The following COPB1 variants were observed in gnomAD, a reference collection of about 807,000 sequenced individuals.
COPB1 encodes the protein coat protein complex I subunit beta 1.
In COPB1, 21 loss-of-function variants were observed where a neutral mutation model predicts 108.7. The ratio of observed to expected loss-of-function variants is 0.19; its 90% CI spans 0.14 to 0.28. The LOEUF is 0.28. COPB1 is among the 10% of genes least tolerant of loss of function. The pLI, the probability that COPB1 is intolerant of heterozygous loss-of-function variation, is 1.00. For synonymous variants in COPB1, 378 were observed against 386.8 expected (o/e 0.98, Z 0.27); for missense variants, 919 against 1,141.3 (o/e 0.81, Z 2.81).
chr11:14,489,389 A>G lies in COPB1; in HGVS notation c.607-805T>C, dbSNP rs569700600. Among the ~76,000 whole-genome samples the G allele has an allele frequency of 5.4e-4, 83 of 152,348 alleles. 1 individual carries two copies. Among genetic ancestry groups the G allele is most frequent in the African/African-American group, 1.9e-3 (77 of 41,588 alleles). ...CACTTCTGGGTGTATACCCAAAATAACAGAAAGCAAAGTCTCAAACAGATA... is the reference window on the plus strand; with the variant it reads ...CACTTCTGGGTGTATACCCAAAATAGCAGAAAGCAAAGTCTCAAACAGATA... On this transcript the variant is annotated intron_variant, in intron 5 of 21. Transcript: ENST00000439561.
At chr11:14,499,211 G>C (rs577327735) in intron 1 of COPB1, among the ~76,000 whole-genome samples, 1 of 152,176 alleles carries the variant, frequency 6.6e-6, no homozygotes, top group South Asian at 2.1e-4. Flanking sequence ...CTGTATAGCC[G>C]AATGAAGGCC....
intron 1 of COPB1, among the ~76,000 whole-genome samples, chr11:14,499,429 C>T (rs1851101220): frequency 6.6e-6 from 1 of 152,150 alleles, no homozygotes; most frequent in African/African-American, 2.4e-5. Context: ...CCCACCTCGC[C>T]CCACCCGCTT....
chr11:14,491,146 G>A (rs1165432696), intron 4 of COPB1, among the ~76,000 whole-genome samples: 2 of 152,134 alleles, frequency 1.3e-5, no homozygotes, highest in South Asian at 2.1e-4. Flanking sequence ...TCTAGGTCGA[G>A]TGATTCTCCT....
intron 6 of COPB1, among the ~76,000 whole-genome samples, chr11:14,487,623 C>T (rs531454356): frequency 4.5e-4 from 69 of 151,702 alleles, no homozygotes; most frequent in African/African-American, 1.7e-3. Context: ...AGCAGTGAGC[C>T]GCGATCGCAC....
intron 2 of COPB1, among the ~76,000 whole-genome samples, chr11:14,495,001 C>A (rs1850985290): frequency 6.6e-6 from 1 of 152,054 alleles, no homozygotes; most frequent in Non-Finnish European, 1.5e-5. Flanking sequence ...ACTTTAGAAT[C>A]TTTCTTAAGA....
intron 15 of COPB1, 72 bp downstream of exon 15, chr11:14,469,264 T>C: frequency 1.6e-6 from 2 of 1,277,830 alleles, no homozygotes. Context: ...CCCAAAGTGC[T>C]GGGATTACAG....
intron 11 of COPB1, among the ~76,000 whole-genome samples, chr11:14,477,722 T>C (rs1375945220): frequency 6.6e-6 from 1 of 151,748 alleles, no homozygotes; most frequent in Non-Finnish European, 1.5e-5. Flanking sequence ...TGGTGAAACC[T>C]CGTCTCTACT....
chr11:14,457,667 C>A lies in COPB1; in HGVS notation c.*157G>T, dbSNP rs1589948712. On this transcript the variant is annotated 3_prime_UTR_variant, in exon 22 of 22. Coordinates refer to ENST00000439561, the MANE Select transcript of COPB1 (RefSeq NM_001144061.2). Reference sequence around the variant, plus strand: ...AAAAGACAAACTATAATTTTAAACTCAATCTTGATTTAAGGGAAAGGCTAT... The same window carrying A: ...AAAAGACAAACTATAATTTTAAACTAAATCTTGATTTAAGGGAAAGGCTAT... The A allele has an allele frequency of 6.4e-6, 4 of 626,908 alleles. No individual in the cohort carries two copies. Among genetic ancestry groups the A allele is most frequent in the Non-Finnish European group, 1.2e-5 (4 of 345,278 alleles). The allele number at this position is 626,908 out of a possible 1,614,324, so 38.8% of individuals were successfully genotyped here. A position where few individuals can be genotyped will look rare whatever the true frequency, so the allele number is the denominator to read the frequency against.
At position 14,483,228 on chromosome 11, in the gene COPB1, C is replaced by CCACACACA. The variant is rs3217599; in HGVS notation, c.838-85_838-78dup. 4.1e-3 allele frequency: 2,043 copies of CCACACACA among 503,664 alleles called. 3 individuals carry two copies. The highest frequency in any genetic ancestry group is 5.4e-3 in the Non-Finnish European group (1,602 of 298,384). 31.2% of individuals were successfully genotyped at this position (503,664 alleles called of 1,614,324 possible). On this transcript the variant is annotated intron_variant, in intron 7 of 21. Coordinates refer to ENST00000439561, the MANE Select transcript of COPB1 (RefSeq NM_001144061.2). ...TTGAAAATAAGCATGCGCGCGCACACCACACACACACACACACACACACAC... is the reference window on the plus strand; with the variant it reads ...TTGAAAATAAGCATGCGCGCGCACACCACACACACACACACACACACACACACACACAC...
At chr11:14,498,780 TTTTTTA>T in intron 2 of COPB1, 52 bp downstream of exon 2, 3 of 1,376,930 alleles carry the variant, frequency 2.2e-6, no homozygotes, top group East Asian at 2.4e-5. Context: ...GAAATATGAG[TTTTTTA>T]TTTTTGTTTT....
chr11:14,458,663 T>C lies in COPB1; in HGVS notation c.2671A>G (p.Met891Val). 2 of 1,611,182 alleles carry C rather than the reference T, an allele frequency of 1.2e-6. No individual in the cohort carries two copies. Among genetic ancestry groups the C allele is most frequent in the Non-Finnish European group, 1.7e-6 (2 of 1,178,866 alleles). The change falls in exon 21 of 22, where the codon ATG becomes GTG. Residue 891 changes from methionine (M) to valine (V), a missense_variant. Physicochemically the swap from Met to Val is conservative, Grantham distance 21 (BLOSUM62 1). This residue lies in a region of COPB1 where 705 missense variants were observed against 817.8 expected (regional missense o/e 0.86). Coordinates refer to ENST00000439561, the MANE Select transcript of COPB1 (RefSeq NM_001144061.2). ...GAACGAGCATAAAGGTTGGCTGCCA[T>C]AAAGCCACAGTAACCAGAAAGGGCC... ...EKALSGYCGF[M>V]AANLYARSIF...
intron 4 of COPB1, among the ~76,000 whole-genome samples, chr11:14,491,669 CAAAA>C (rs10550863): frequency 5.8e-5 from 8 of 138,404 alleles, no homozygotes; most frequent in Non-Finnish European, 7.8e-5. Flanking sequence ...AACTCTGTCT[CAAAA>C]AAAAAAAAAA....
Position 14,477,007 on chromosome 11 carries a change from C to T in COPB1, c.1367G>A (p.Arg456Gln), listed in dbSNP as rs1233804794. 5.6e-6 allele frequency: 9 copies of T among 1,601,206 alleles called. No individual in the cohort carries two copies. The highest frequency in any genetic ancestry group is 2.2e-5 in the East Asian group (1 of 44,790). Residue 456 changes from arginine (R) to glutamine (Q), a missense_variant, in exon 12 of 22, where the codon CGA becomes CAA. Coordinates refer to ENST00000439561, the MANE Select transcript of COPB1 (RefSeq NM_001144061.2). ...TTCTCCCAGGATCCATAATGCTCCT[C>T]GGTAAATCCTAGCACAATACAAGAT... Reference protein sequence around the residue: ...FHAIKSVKIYRGALWILGEYC... With the variant: ...FHAIKSVKIYQGALWILGEYC...
intron 11 of COPB1, among the ~76,000 whole-genome samples, chr11:14,478,715 G>T (rs1470671541): frequency 6.6e-6 from 1 of 151,770 alleles, no homozygotes; most frequent in East Asian, 1.9e-4. Flanking sequence ...GCCTCCCAAA[G>T]TGCTGGGAAT....
intron 5 of COPB1, among the ~76,000 whole-genome samples, chr11:14,489,480 C>A (rs567757485): frequency 6.6e-6 from 1 of 152,286 alleles, no homozygotes; most frequent in South Asian, 2.1e-4. Context: ...ACCCAAGTGT[C>A]CACCAATGGA....
chr11:14,472,032 A>G lies in COPB1; in HGVS notation c.1737+2463T>C, dbSNP rs972340635. Among the ~76,000 whole-genome samples, 9 of 152,238 alleles carry G rather than the reference A, an allele frequency of 5.9e-5. No homozygotes were observed. The East Asian group carries it at 9.6e-4, about 16-fold the overall frequency. ...GAAACCTGCTGTATAGATAACCAAC[A>G]TAATACGAAAGCTGAAGGAATCAAA... is the stretch of plus-strand genomic sequence containing the variant. On this transcript the variant is annotated intron_variant, in intron 14 of 21. Coordinates refer to ENST00000439561, the MANE Select transcript of COPB1 (RefSeq NM_001144061.2).
chr11:14,458,156 T>G (rs567413247), intron 21 of COPB1, among the ~76,000 whole-genome samples: 2 of 141,198 alleles, frequency 1.4e-5, no homozygotes, highest in South Asian at 4.6e-4. Context: ...CTCAGCTCAC[T>G]GCAACCTCCA....
In COPB1 at chr11:14,462,233, CT is replaced by C. The variant is rs928263474; in HGVS notation, c.2411-903del. Among the ~76,000 whole-genome samples, 813 of 134,162 alleles carry C rather than the reference CT, an allele frequency of 6.1e-3. 3 individuals carry two copies. Among genetic ancestry groups the C allele is most frequent in the African/African-American group, 6.8e-3 (253 of 36,962 alleles). 88.0% of individuals were successfully genotyped at this position (134,162 alleles called of 152,430 possible). On this transcript the variant is annotated intron_variant, in intron 18 of 21. Coordinates refer to ENST00000439561, the MANE Select transcript of COPB1 (RefSeq NM_001144061.2). ...TCCTCTTTCTAGGCTCTTTTCTTTT[CT>C]TTTTTTTTTTTTTTTTGAGATGGAG... is the stretch of plus-strand genomic sequence containing the variant.
At chr11:14,475,291 A>G (rs1850498501) in intron 13 of COPB1, among the ~76,000 whole-genome samples, 1 of 152,116 alleles carries the variant, frequency 6.6e-6, no homozygotes, top group African/African-American at 2.4e-5. Context: ...AATATATTCT[A>G]TCTCAAAGGC....
Sources: allele counts gnomAD v4.1 joint callset (sites outside exome capture counted in the v4.1 genomes callset), GRCh38; gene constraint gnomAD v4.1.1; regional missense constraint gnomAD v4.1.1; transcripts MANE v1.5; gene names NCBI Gene and HGNC (gene_info 2026-07-23, HGNC 2026-07-21).